Variants in COG5 observed in about 807,000 individuals in gnomAD.
COG5 encodes conserved oligomeric Golgi complex subunit 5.
Under a neutral mutation model 110.4 loss-of-function variants are expected in COG5, and 86 were observed. The observed-to-expected ratio is 0.78, with a 90% CI of 0.65 to 0.93. The LOEUF (loss-of-function observed/expected upper bound fraction) is 0.93. COG5 is among the 40% of genes least tolerant of loss of function. COG5 has a pLI of 0.00. For synonymous variants in COG5, 360 were observed against 334.6 expected, an observed-to-expected ratio of 1.08 and a Z score of -0.83; for missense variants, 1,077 against 987.0, an observed-to-expected ratio of 1.09 and a Z score of -1.22.
chr7:107,470,438 T>C (rs1563053232), intron 6 of COG5: 1 of 152,208 alleles, frequency 6.6e-6, no homozygotes, highest in African/African-American at 2.4e-5. Context: ...ATCAAATCTT[T>C]AGCAGAGGTA....
chr7:107,219,953 T>A (rs1198083627), intron 19 of COG5, among the ~76,000 whole-genome samples: 1 of 152,198 alleles, frequency 6.6e-6, no homozygotes, highest in East Asian at 1.9e-4. Context: ...AACAAATATA[T>A]GTTAACTCAT....
chr7:107,528,047 T>C (rs554826637), intron 5 of COG5, among the ~76,000 whole-genome samples: 1 of 152,176 alleles, frequency 6.6e-6, no homozygotes, highest in African/African-American at 2.4e-5. Context: ...TCCTATATCC[T>C]GCAGGAGTAG....
intron 11 of COG5, among the ~76,000 whole-genome samples, chr7:107,308,984 C>A (rs909069085): frequency 2.0e-5 from 3 of 152,000 alleles, no homozygotes; most frequent in Admixed American, 6.6e-5. Flanking sequence ...TGGAATCAGC[C>A]ATTTCCTCAT....
intron 6 of COG5, among the ~76,000 whole-genome samples, chr7:107,516,674 C>T (rs1346890556): frequency 6.6e-6 from 1 of 152,174 alleles, no homozygotes; most frequent in Admixed American, 6.5e-5. Context: ...GAGCAGGCAG[C>T]AATCTTTTCT....
At chr7:107,407,817 C>A (rs1197103338) in intron 7 of COG5, among the ~76,000 whole-genome samples, 2 of 151,860 alleles carry the variant, frequency 1.3e-5, no homozygotes, top group Non-Finnish European at 2.9e-5. Flanking sequence ...ACCACAGAGG[C>A]TGAACAAACC....
intron 10 of COG5, among the ~76,000 whole-genome samples, chr7:107,336,221 A>G (rs1332444649): frequency 6.6e-6 from 1 of 152,254 alleles, no homozygotes; most frequent in East Asian, 1.9e-4. Context: ...TCAGTTATAA[A>G]AAAGAGTGAA....
At chr7:107,530,819 T>C (rs1168155010) in intron 5 of COG5, among the ~76,000 whole-genome samples, 1 of 152,058 alleles carries the variant, frequency 6.6e-6, no homozygotes, top group Non-Finnish European at 1.5e-5. Flanking sequence ...ATCAATTTCC[T>C]TTCCCTCCCT....
intron 8 of COG5, among the ~76,000 whole-genome samples, chr7:107,363,283 A>C (rs937145526): frequency 6.6e-6 from 1 of 152,242 alleles, no homozygotes; most frequent in Non-Finnish European, 1.5e-5. Flanking sequence ...GAGTGATTTC[A>C]TATTTGGAGC....
At chr7:107,255,297 A>C (rs1464097117) in intron 16 of COG5, among the ~76,000 whole-genome samples, 1 of 152,142 alleles carries the variant, frequency 6.6e-6, no homozygotes, top group Non-Finnish European at 1.5e-5. Flanking sequence ...AAATATTTTA[A>C]AGCACATTAG....
chr7:107,421,247 C>T (rs1793267268), intron 6 of COG5, among the ~76,000 whole-genome samples: 1 of 152,210 alleles, frequency 6.6e-6, no homozygotes, highest in Non-Finnish European at 1.5e-5. Context: ...TGAATGCCTA[C>T]CTTCCAATCA....
intron 10 of COG5, among the ~76,000 whole-genome samples, chr7:107,356,628 AT>A (rs749732296): frequency 8.6e-5 from 13 of 151,972 alleles, no homozygotes; most frequent in African/African-American, 2.7e-4. Flanking sequence ...ATTTCAGTAC[AT>A]TTTTTTTAAG....
chr7:107,225,274 G>A (rs1428920852), intron 19 of COG5, among the ~76,000 whole-genome samples: 1 of 152,066 alleles, frequency 6.6e-6, no homozygotes, highest in African/African-American at 2.4e-5. Flanking sequence ...TCTTTATTGG[G>A]TAATGTTTTA....
chr7:107,267,040 G>T (rs1345981804), intron 14 of COG5, among the ~76,000 whole-genome samples: 2 of 152,140 alleles, frequency 1.3e-5, no homozygotes, highest in Non-Finnish European at 2.9e-5. Context: ...CTTGAGATGG[G>T]ATCCAGTTTG....
chr7:107,209,089 CTCA>C (rs1220713118), intron 21 of COG5: 2 of 985,242 alleles, frequency 2.0e-6, no homozygotes, highest in Admixed American at 6.2e-5. Context: ...TTAGAACCAC[CTCA>C]TCATGTCAGC....
At chr7:107,260,075 G>GATATATATATATAT (rs143875588) in intron 14 of COG5, among the ~76,000 whole-genome samples, 67 of 131,548 alleles carry the variant, frequency 5.1e-4, no homozygotes, top group East Asian at 6.4e-4. Flanking sequence ...AACTCCTAGT[G>GATATATATATATAT]ATATATATAT....
chr7:107,299,377 A>ATT (rs1807044621), intron 11 of COG5, among the ~76,000 whole-genome samples: 1 of 152,142 alleles, frequency 6.6e-6, no homozygotes, highest in Non-Finnish European at 1.5e-5. Context: ...CAGATACTGA[A>ATT]AGGGTAATAA....
intron 10 of COG5, among the ~76,000 whole-genome samples, chr7:107,361,009 T>G (rs1813067637): frequency 6.6e-6 from 1 of 152,088 alleles, no homozygotes; most frequent in African/African-American, 2.4e-5. Flanking sequence ...TCCTAATAAA[T>G]CATCAAACTT....
chr7:107,203,650 C>A lies in COG5; in HGVS notation c.2376-20G>T. 1 of 1,458,432 alleles carries A rather than the reference C, an allele frequency of 6.9e-7. No homozygotes were observed. 90.3% of individuals were successfully genotyped at this position (1,458,432 alleles called of 1,614,324 possible). On this transcript the variant is annotated intron_variant, in intron 21 of 21. Coordinates refer to ENST00000297135, the MANE Select transcript of COG5 (RefSeq NM_006348.5). ...GCTCCCCTGAAAACCAAAATGAAAACAATGTCAAAATATTAGATAAATCAC... is the reference window on the plus strand; with the variant it reads ...GCTCCCCTGAAAACCAAAATGAAAAAAATGTCAAAATATTAGATAAATCAC...
intron 10 of COG5, among the ~76,000 whole-genome samples, chr7:107,333,336 G>A (rs1238287794): frequency 2.6e-5 from 4 of 152,062 alleles, no homozygotes; most frequent in Non-Finnish European, 5.9e-5. Flanking sequence ...AAAGAAGAAA[G>A]CTATGGAAAT....
Sources: gnomAD v4.1 joint callset for allele counts (sites outside exome capture counted in the v4.1 genomes callset) on GRCh38, gnomAD v4.1.1 for gene constraint, MANE v1.5 for transcripts, NCBI Gene and HGNC (gene_info 2026-07-23, HGNC 2026-07-21) for gene names.